The following FGD6 variants were observed in gnomAD, a reference collection of about 807,000 sequenced individuals.
FGD6 encodes the protein FYVE, RhoGEF and PH domain-containing protein 6.
A neutral mutation model predicts 149.4 loss-of-function variants in FGD6; 90 were observed. The observed-to-expected ratio is 0.60, with a 90% confidence interval of 0.51 to 0.72. The LOEUF is 0.72. Ranked by LOEUF, FGD6 falls within the 30% of genes least tolerant of loss-of-function variation. The probability of loss-of-function intolerance (pLI) is 0.00; values close to 1 mark genes in which losing one functional copy is unlikely to be tolerated. For missense variants in FGD6, 1,437 were observed against 1,684.8 expected, an observed-to-expected ratio of 0.85 and a Z score of 2.57; for synonymous variants, 527 against 584.0, an observed-to-expected ratio of 0.90 and a Z score of 1.41.
intron 5 of FGD6, among the ~76,000 whole-genome samples, chr12:95,148,732 T>C (rs1448949438): frequency 7.1e-5 from 6 of 85,046 alleles, no homozygotes; most frequent in African/African-American, 2.6e-4. Flanking sequence ...ATATTACATA[T>C]ATTATATATT....
chr12:95,164,246 CTT>C (rs540227306), intron 3 of FGD6, among the ~76,000 whole-genome samples: 7 of 140,426 alleles, frequency 5.0e-5, no homozygotes, highest in Non-Finnish European at 4.7e-5. Context: ...TTTTTCCTTC[CTT>C]TTTTTTTTTT....
At position 95,108,379 on chromosome 12, in the gene FGD6, T is replaced by C. The variant is rs778835316; in HGVS notation, c.3233A>G (p.Asn1078Ser). The C allele has an allele frequency of 1.2e-6, 2 of 1,614,132 alleles. No homozygotes were observed. Among genetic ancestry groups the C allele is most frequent in the South Asian group, 2.2e-5 (2 of 91,058 alleles). Residue 1078 changes from asparagine (N) to serine (S), a missense_variant, in exon 11 of 21, where the codon AAT becomes AGT. By Grantham distance (46) the Asn-to-Ser change is conservative. This residue lies in a region of FGD6 where 382 missense variants were observed against 538.7 expected (regional missense o/e 0.71). Coordinates refer to ENST00000343958, the MANE Select transcript of FGD6 (RefSeq NM_018351.4). ...AGGCTGCACAATTTCATGGTGTCCA[T>C]TTAAGCTGTACTGAATTTGCATAAG... The part of the protein sequence containing the change: ...QKLMQIQYSL[N>S]GHHEIVQPGR...
chr12:95,194,264 T>A (rs753862859), intron 2 of FGD6, among the ~76,000 whole-genome samples: 84 of 151,876 alleles, frequency 5.5e-4, no homozygotes, highest in Non-Finnish European at 9.1e-4. Context: ...AGACGGAGTT[T>A]CACTCTTGTT....
chr12:95,106,676 A>T (rs902969844), intron 13 of FGD6, among the ~76,000 whole-genome samples: 19 of 151,898 alleles, frequency 1.3e-4, no homozygotes, highest in African/African-American at 4.3e-4. Context: ...CAGGCTGATC[A>T]CCTGAGGTCA....
At chr12:95,145,011 CAG>C (rs1328565964) in intron 5 of FGD6, among the ~76,000 whole-genome samples, 5 of 59,352 alleles carry the variant, frequency 8.4e-5, no homozygotes, top group Non-Finnish European at 1.7e-4. Flanking sequence ...TTTTTTGCGA[CAG>C]AGTCTCGCTC....
At chr12:95,147,504 T>C (rs1239228465) in intron 5 of FGD6, among the ~76,000 whole-genome samples, 1 of 152,152 alleles carries the variant, frequency 6.6e-6, no homozygotes, top group Non-Finnish European at 1.5e-5. Flanking sequence ...CTTTAGAAGA[T>C]GAAAAATAAG....
Position 95,187,344 on chromosome 12 carries a change from AC to A in FGD6, c.2442-14601del, listed in dbSNP as rs1321972250. On this transcript the variant is annotated intron_variant, in intron 2 of 20. Coordinates refer to ENST00000343958, the MANE Select transcript of FGD6 (RefSeq NM_018351.4). Reference sequence around the variant, plus strand: ...AGACTCCATTTCAAAAAAAAAAAAAACAAGTTACTTCAGGCTGGGCGTGGTG... The same window carrying A: ...AGACTCCATTTCAAAAAAAAAAAAAAAAGTTACTTCAGGCTGGGCGTGGTG... Among the ~76,000 whole-genome samples, 814 of 149,114 alleles carry A rather than the reference AC, an allele frequency of 5.5e-3. 4 individuals are homozygous for A. The highest frequency in any genetic ancestry group is 9.1e-3 in the Non-Finnish European group (616 of 67,390).
chr12:95,100,062 C>G (rs980568799), intron 14 of FGD6, among the ~76,000 whole-genome samples: 1 of 137,046 alleles, frequency 7.3e-6, no homozygotes, highest in Admixed American at 7.7e-5. Flanking sequence ...TGATCCCCCC[C>G]CCCCCCACCC....
At position 95,115,880 on chromosome 12, in the gene FGD6, G is replaced by A. The variant is rs147658269; in HGVS notation, c.3083-2179C>T. On this transcript the variant is annotated intron_variant, in intron 8 of 20. Transcript: ENST00000343958. ...TCTAAGAGCCTGTGTGAGTCTAGAC[G>A]TGCACCTTATAAATATCCAGCACTG... Among the ~76,000 whole-genome samples the A allele has an allele frequency of 1.6e-4, 25 of 152,242 alleles. No individual in the cohort carries two copies. In the East Asian group the frequency reaches 4.6e-3, roughly 28 times the overall value.
intron 3 of FGD6, among the ~76,000 whole-genome samples, chr12:95,170,643 A>C (rs1178453364): frequency 6.6e-6 from 1 of 152,198 alleles, no homozygotes; most frequent in Non-Finnish European, 1.5e-5. Flanking sequence ...ACTCCTTCTC[A>C]AAAGAAAAGA....
intron 3 of FGD6, among the ~76,000 whole-genome samples, chr12:95,155,114 C>G (rs1033925489): frequency 6.6e-6 from 1 of 152,044 alleles, no homozygotes; most frequent in African/African-American, 2.4e-5. Context: ...ATATATGTTC[C>G]ATACATACAC....
At chr12:95,216,049 T>C (rs915265574) in intron 1 of FGD6, among the ~76,000 whole-genome samples, 1 of 152,224 alleles carries the variant, frequency 6.6e-6, no homozygotes, top group Non-Finnish European at 1.5e-5. Context: ...CTCATATAAG[T>C]GCATATAACA....
chr12:95,132,846 C>T (rs1160113262), intron 8 of FGD6, among the ~76,000 whole-genome samples: 4 of 152,216 alleles, frequency 2.6e-5, no homozygotes, highest in Non-Finnish European at 5.9e-5. Context: ...CCATTCCCCT[C>T]CCATTTGAAA....
chr12:95,177,908 A>AATTTAATTATTTATTT (rs1881178776), intron 2 of FGD6, among the ~76,000 whole-genome samples: 1 of 142,302 alleles, frequency 7.0e-6, no homozygotes, highest in Admixed American at 7.2e-5. Context: ...TTTAAACAAC[A>AATTTAATTATTTATTT]ATTTATTTAT....
At chr12:95,081,860 C>T (rs376272160) in intron 20 of FGD6, among the ~76,000 whole-genome samples, 3 of 151,992 alleles carry the variant, frequency 2.0e-5, no homozygotes, top group East Asian at 1.9e-4. Flanking sequence ...TTAGTAGAGA[C>T]GGGGTTTTTC....
chr12:95,098,990 C>T (rs1294506767), intron 14 of FGD6, among the ~76,000 whole-genome samples: 1 of 151,926 alleles, frequency 6.6e-6, no homozygotes, highest in Non-Finnish European at 1.5e-5. Context: ...CTGCCTCAGC[C>T]TCCAGAGTAG....
Position 95,114,283 on chromosome 12 carries a change from C to T in FGD6, c.3083-582G>A, listed in dbSNP as rs948934583. 7.2e-5 allele frequency among the ~76,000 whole-genome samples: 11 copies of T among 151,946 alleles called. No individual in the cohort carries two copies. The East Asian group carries it at 7.7e-4, about 11-fold the overall frequency. ...TGTGGTTGTCATAACTGGGGAAAAGCGGGGGCTACTGGTGGCTAGTGGTTA... is the reference window on the plus strand; with the variant it reads ...TGTGGTTGTCATAACTGGGGAAAAGTGGGGGCTACTGGTGGCTAGTGGTTA... On this transcript the variant is annotated intron_variant, in intron 8 of 20. Coordinates refer to ENST00000343958, the MANE Select transcript of FGD6 (RefSeq NM_018351.4).
intron 13 of FGD6, among the ~76,000 whole-genome samples, chr12:95,105,697 G>A (rs1025859389): frequency 2.0e-5 from 3 of 152,176 alleles, no homozygotes; most frequent in Admixed American, 2.0e-4. Flanking sequence ...ATTAATGCAT[G>A]AGTGAACAAA....
At chr12:95,180,244 TTG>T (rs141054041) in intron 2 of FGD6, among the ~76,000 whole-genome samples, 4 of 151,338 alleles carry the variant, frequency 2.6e-5, no homozygotes, top group African/African-American at 9.7e-5. Flanking sequence ...GTGTGTATAT[TTG>T]TGTGTGTGTG....
Sources: allele counts gnomAD v4.1 joint callset (sites outside exome capture counted in the v4.1 genomes callset), GRCh38; gene constraint gnomAD v4.1.1; regional missense constraint gnomAD v4.1.1; transcripts MANE v1.5; gene names NCBI Gene and HGNC (gene_info 2026-07-23, HGNC 2026-07-21).